Variants in CFAP263 observed in about 807,000 individuals in gnomAD.
The protein encoded by CFAP263 is cilia and flagella associated protein 263.
chr16:58,257,969 G>A, the CFAP263 span, among the ~76,000 whole-genome samples: 2 of 152,006 alleles, frequency 1.3e-5, no homozygotes, highest in African/African-American at 2.4e-5. Flanking sequence ...TTAGCCAGGC[G>A]TGGTGGCAGG....
At chr16:58,259,227 A>G in the CFAP263 span, among the ~76,000 whole-genome samples, 1 of 152,086 alleles carries the variant, frequency 6.6e-6, no homozygotes, top group African/African-American at 2.4e-5. Flanking sequence ...CAAAATTTTA[A>G]AAAAACCTTT....
At chr16:58,278,660 A>G in the CFAP263 span, 4 of 1,611,986 alleles carry the variant, frequency 2.5e-6, no homozygotes, top group Admixed American at 3.3e-5. Context: ...GAGCCCCAAG[A>G]TGGGCAGTCT....
the CFAP263 span, among the ~76,000 whole-genome samples, chr16:58,260,984 T>G: frequency 1.3e-5 from 2 of 152,138 alleles, no homozygotes; most frequent in Admixed American, 1.3e-4. Flanking sequence ...GCTGCGTTCA[T>G]AGAAACACAG....
the CFAP263 span, among the ~76,000 whole-genome samples, chr16:58,271,735 CATCAT>C: frequency 6.6e-6 from 1 of 152,188 alleles, no homozygotes; most frequent in Non-Finnish European, 1.5e-5. Flanking sequence ...ATTCACATCA[CATCAT>C]ATCAAGGGAG....
At chr16:58,272,430 A>G in the CFAP263 span, among the ~76,000 whole-genome samples, 3 of 152,254 alleles carry the variant, frequency 2.0e-5, no homozygotes, top group African/African-American at 7.2e-5. Flanking sequence ...TGAACATTAT[A>G]GAGTGTACCC....
chr16:58,271,688 T>C, the CFAP263 span, among the ~76,000 whole-genome samples: 2 of 152,234 alleles, frequency 1.3e-5, no homozygotes, highest in Non-Finnish European at 2.9e-5. Flanking sequence ...TTGGGGTTTA[T>C]GTGTTTTGAG....
At chr16:58,279,668 T>G in the CFAP263 span, 1 of 1,500,028 alleles carries the variant, frequency 6.7e-7, no homozygotes, top group Non-Finnish European at 8.8e-7. Context: ...TTTTTTTTCT[T>G]TTTTTCTTTT....
the CFAP263 span, chr16:58,280,048 C>G: frequency 1.5e-6 from 1 of 668,496 alleles, no homozygotes; most frequent in Non-Finnish European, 2.5e-6. Flanking sequence ...GTGAAAGTGA[C>G]CTTCCCACAC....
chr16:58,277,238 C>T, the CFAP263 span, among the ~76,000 whole-genome samples: 1 of 151,990 alleles, frequency 6.6e-6, no homozygotes, highest in African/African-American at 2.4e-5. Flanking sequence ...AAGCAATTCT[C>T]CTGCCTCAGC....
At chr16:58,255,023 T>C in the CFAP263 span, among the ~76,000 whole-genome samples, 1 of 152,108 alleles carries the variant, frequency 6.6e-6, no homozygotes, top group Non-Finnish European at 1.5e-5. Flanking sequence ...TTAGGGAGAA[T>C]TGGCTCACGT....
At chr16:58,255,246 G>A in the CFAP263 span, among the ~76,000 whole-genome samples, 21 of 152,328 alleles carry the variant, frequency 1.4e-4, no homozygotes, top group East Asian at 3.7e-3. Context: ...TCTGATGTCC[G>A]AGGGCAGGAG....
At chr16:58,268,522 A>C in the CFAP263 span, among the ~76,000 whole-genome samples, 88,824 of 151,958 alleles carry the variant, frequency 0.58, 27,021 homozygotes, top group African/African-American at 0.75. Flanking sequence ...GCTTTGTCAA[A>C]CTCTAAAACT....
the CFAP263 span, among the ~76,000 whole-genome samples, chr16:58,265,214 A>T: frequency 6.6e-6 from 1 of 152,166 alleles, no homozygotes; most frequent in Non-Finnish European, 1.5e-5. Flanking sequence ...TGTGAATATG[A>T]TGGATTCAGT....
chr16:58,269,315 A>T, the CFAP263 span, among the ~76,000 whole-genome samples: 11 of 152,002 alleles, frequency 7.2e-5, no homozygotes, highest in African/African-American at 2.4e-4. Context: ...TCAGTGACAG[A>T]GGGAGACTCT....
chr16:58,280,133 A>G, the CFAP263 span: 4 of 1,334,462 alleles, frequency 3.0e-6, no homozygotes, highest in Non-Finnish European at 4.1e-6. Flanking sequence ...CCAGTGTGCA[A>G]CTATCAAAAA....
the CFAP263 span, chr16:58,258,621 C>G: frequency 1.8e-6 from 2 of 1,134,770 alleles, no homozygotes; most frequent in South Asian, 2.9e-5. Flanking sequence ...TTTGGTCCAC[C>G]ATAAATGTTG....
At chr16:58,279,294 C>A in the CFAP263 span, among the ~76,000 whole-genome samples, 1 of 152,094 alleles carries the variant, frequency 6.6e-6, no homozygotes, top group Non-Finnish European at 1.5e-5. Flanking sequence ...GGTACCTTGG[C>A]GTTTTCACAT....
At chr16:58,279,782 A>G in the CFAP263 span, 38 of 1,609,182 alleles carry the variant, frequency 2.4e-5, no homozygotes, top group Non-Finnish European at 3.1e-5. Context: ...AAGTAGCCAG[A>G]GGCAGGCCAC....
chr16:58,262,557 T>C, the CFAP263 span: 1 of 1,582,240 alleles, frequency 6.3e-7, no homozygotes, highest in African/African-American at 1.3e-5. Flanking sequence ...CCATCCCTGA[T>C]ACCCAGGGCT....
Sources: allele counts gnomAD v4.1 joint callset (sites outside exome capture counted in the v4.1 genomes callset), GRCh38; gene constraint gnomAD v4.1.1; transcripts MANE v1.5; gene names NCBI Gene and HGNC (gene_info 2026-07-23, HGNC 2026-07-21).